Variants in HMCN1 observed in about 807,000 individuals in gnomAD.
HMCN1 encodes the protein hemicentin-1.
HMCN1 carries 321 observed loss-of-function variants against 625.9 expected under a neutral mutation model. The observed-to-expected ratio is 0.51, with a 90% CI of 0.47 to 0.56. The LOEUF is 0.56. HMCN1 is among the 20% of genes least tolerant of loss of function. The pLI is 0.00. For synonymous variants in HMCN1, 2,425 were observed against 2,417.6 expected (o/e 1.00, Z -0.09); for missense variants, 6,588 against 6,887.3 (o/e 0.96, Z 1.54).
intron 20 of HMCN1, 94 bp from the exon 21 acceptor site, chr1:185,989,394 T>A (rs984414157): frequency 6.7e-5 from 97 of 1,439,608 alleles, no homozygotes; most frequent in Non-Finnish European, 9.2e-5. Flanking sequence ...GATGTTTTTT[T>A]CTCTCTATTC....
chr1:186,107,306 A>G (rs918631284), intron 70 of HMCN1, among the ~76,000 whole-genome samples: 1 of 152,160 alleles, frequency 6.6e-6, no homozygotes, highest in Non-Finnish European at 1.5e-5. Flanking sequence ...ATATTTGACT[A>G]ATCAAACGCT....
rs1403241455 is a variant in HMCN1, at chr1:186,061,882, A to C, written c.7344A>C (p.Thr2448=). Residue 2448 remains threonine (T), a synonymous_variant, in exon 47 of 107, where the codon ACA becomes ACC. Transcript: ENST00000271588. ...GGRMLRLMQT[T]MEDAGQYTCV... is the part of the protein sequence containing the mutation. ...GGATGCTACGGCTGATGCAGACCACAATGGAAGATGCTGGCCAATATACTT... is the reference window on the plus strand; with the variant it reads ...GGATGCTACGGCTGATGCAGACCACCATGGAAGATGCTGGCCAATATACTT... 2.5e-6 allele frequency: 4 copies of C among 1,613,060 alleles called. No homozygotes were observed. The South Asian group carries it at 4.4e-5, about 18-fold the overall frequency.
intron 15 of HMCN1, among the ~76,000 whole-genome samples, chr1:185,970,921 A>G (rs982488810): frequency 3.0e-4 from 46 of 152,040 alleles, no homozygotes; most frequent in African/African-American, 7.2e-5. Flanking sequence ...CAGCCTCCCA[A>G]AGTGCTGGGA....
intron 38 of HMCN1, 145 bp downstream of exon 38, chr1:186,039,150 A>G (rs903374108): frequency 5.6e-6 from 4 of 711,898 alleles, no homozygotes; most frequent in Non-Finnish European, 1.0e-5. Flanking sequence ...AAACTTATAA[A>G]TGTGCTTATT....
chr1:186,158,942 C>A (rs967659070), intron 97 of HMCN1, among the ~76,000 whole-genome samples: 10 of 151,350 alleles, frequency 6.6e-5, no homozygotes, highest in African/African-American at 2.4e-4. Flanking sequence ...TCCATATGAA[C>A]TTTAGTTTTT....
chr1:185,984,907 A>G lies in HMCN1; in HGVS notation c.2935+594A>G, dbSNP rs539979821. 3.3e-5 allele frequency among the ~76,000 whole-genome samples: 5 copies of G among 152,344 alleles called. No individual in the cohort carries two copies. In the East Asian group the frequency reaches 9.6e-4, roughly 29 times the overall value. ...TAAGAAATTGTCATAACTTTTTAATATACTTTTTAAAGACTCTGCAACATT... is the reference window on the plus strand; with the variant it reads ...TAAGAAATTGTCATAACTTTTTAATGTACTTTTTAAAGACTCTGCAACATT... On this transcript the variant is annotated intron_variant, in intron 19 of 106. Transcript: ENST00000271588.
chr1:186,117,319 G>A, intron 76 of HMCN1, 140 bp from the exon 77 acceptor site: 1 of 1,182,140 alleles, frequency 8.5e-7, no homozygotes, highest in Non-Finnish European at 1.2e-6. Context: ...TATTAACCCA[G>A]AAATAAAAGG....
At chr1:186,119,661 G>T in intron 78 of HMCN1, 84 bp from the exon 79 acceptor site, 1 of 1,307,506 alleles carries the variant, frequency 7.6e-7, no homozygotes, top group Admixed American at 1.8e-5. Context: ...TTATGAATTT[G>T]GGTATTTTTA....
chr1:186,081,949 A>G (rs1197815385), intron 56 of HMCN1, among the ~76,000 whole-genome samples: 1 of 152,176 alleles, frequency 6.6e-6, no homozygotes, highest in Non-Finnish European at 1.5e-5. Flanking sequence ...AAAATAAATA[A>G]TATTCTATTG....
Position 185,961,986 on chromosome 1 carries a change from T to C in HMCN1, c.1829-532T>C, listed in dbSNP as rs144707814. On this transcript the variant is annotated intron_variant, in intron 11 of 106. Transcript: ENST00000271588. Reference sequence around the variant, plus strand: ...TTATATACAAGCCACTGCAATGATATGCAAGGGATGTTAAATGCTGTAGAA... The same window carrying C: ...TTATATACAAGCCACTGCAATGATACGCAAGGGATGTTAAATGCTGTAGAA... 7.6e-3 allele frequency among the ~76,000 whole-genome samples: 1,151 copies of C among 152,292 alleles called. 10 individuals are homozygous for C. Among genetic ancestry groups the C allele is most frequent in the Non-Finnish European group, 0.01 (688 of 68,038 alleles).
In HMCN1 at chr1:185,741,997, G is replaced by A. The variant is rs535562425; in HGVS notation, c.268+6950G>A. On this transcript the variant is annotated intron_variant, in intron 1 of 106. Coordinates refer to ENST00000271588, the MANE Select transcript of HMCN1 (RefSeq NM_031935.3). ...AAATATATTGCTGTGTCCAACTACC[G>A]GAATGGTTGCTTTGATCATAGGGCT... 7.4e-4 allele frequency among the ~76,000 whole-genome samples: 113 copies of A among 152,164 alleles called. 1 individual carries two copies. Among genetic ancestry groups the A allele is most frequent in the African/African-American group, 2.5e-3 (105 of 41,492 alleles).
chr1:185,854,515 C>T (rs1662345475), intron 2 of HMCN1, among the ~76,000 whole-genome samples: 1 of 152,114 alleles, frequency 6.6e-6, no homozygotes, highest in Admixed American at 6.6e-5. Flanking sequence ...TCTTTTAATG[C>T]TGGAGGCTGA....
intron 104 of HMCN1, among the ~76,000 whole-genome samples, chr1:186,181,695 G>T (rs1356908690): frequency 6.6e-6 from 1 of 152,118 alleles, no homozygotes; most frequent in Non-Finnish European, 1.5e-5. Context: ...CTATGCATGA[G>T]TGGGGCTGCA....
chr1:185,825,464 A>C (rs934226032), intron 1 of HMCN1, among the ~76,000 whole-genome samples: 7 of 152,140 alleles, frequency 4.6e-5, no homozygotes, highest in Admixed American at 4.6e-4. Context: ...TCTATTTGTA[A>C]ATGTGTCTGA....
intron 9 of HMCN1, among the ~76,000 whole-genome samples, chr1:185,928,188 A>T (rs1667371239): frequency 6.6e-6 from 1 of 152,164 alleles, no homozygotes; most frequent in Admixed American, 6.5e-5. Context: ...TTTGTCTAAG[A>T]TTCCTACTGA....
At chr1:185,982,838 A>C (rs1053645355) in intron 18 of HMCN1, among the ~76,000 whole-genome samples, 1 of 152,080 alleles carries the variant, frequency 6.6e-6, no homozygotes, top group Admixed American at 6.6e-5. Context: ...AAGTATATCA[A>C]AGCTTTTCTT....
At chr1:185,943,910 A>G (rs1055535164) in intron 11 of HMCN1, among the ~76,000 whole-genome samples, 5 of 152,130 alleles carry the variant, frequency 3.3e-5, no homozygotes, top group African/African-American at 7.2e-5. Flanking sequence ...CACTCAGGAG[A>G]TTCCAAGGGT....
intron 36 of HMCN1, among the ~76,000 whole-genome samples, chr1:186,023,514 TAAG>T (rs1654860909): frequency 6.6e-6 from 1 of 152,156 alleles, no homozygotes; most frequent in Non-Finnish European, 1.5e-5. Context: ...TGCCTGCCTA[TAAG>T]AAGGATTTAG....
intron 50 of HMCN1, among the ~76,000 whole-genome samples, chr1:186,068,762 G>A (rs1368417075): frequency 4.6e-5 from 7 of 151,630 alleles, no homozygotes; most frequent in African/African-American, 4.9e-5. Context: ...CCAGCTACTC[G>A]GGAGGCTGAG....
Sources: allele counts gnomAD v4.1 joint callset (sites outside exome capture counted in the v4.1 genomes callset), GRCh38; gene constraint gnomAD v4.1.1; transcripts MANE v1.5; gene names NCBI Gene and HGNC (gene_info 2026-07-23, HGNC 2026-07-21).